The following ABCA2 variants were observed in gnomAD, a reference collection of about 807,000 sequenced individuals.
ABCA2 encodes ATP-binding cassette sub-family A member 2.
Under a neutral mutation model 262.8 loss-of-function variants are expected in ABCA2, and 84 were observed. The ratio of observed to expected loss-of-function variants is 0.32; its 90% CI spans 0.27 to 0.38. ABCA2 has a LOEUF of 0.38. ABCA2 is among the 10% of genes least tolerant of loss of function. The pLI, the probability that ABCA2 is intolerant of heterozygous loss-of-function variation, is 1.00. For synonymous variants in ABCA2, 1,696 were observed against 1,502.9 expected, an observed-to-expected ratio of 1.13 and a Z score of -2.97; for missense variants, 2,662 against 3,405.9, an observed-to-expected ratio of 0.78 and a Z score of 5.44.
intron 2 of ABCA2, 53 bp downstream of exon 2, chr9:137,024,090 G>A (rs1030088107): frequency 9.0e-6 from 14 of 1,557,714 alleles, no homozygotes; most frequent in African/African-American, 5.4e-5. Context: ...CAGCGCAGGC[G>A]TGCGAGGTGC....
chr9:137,021,189 C>T lies in ABCA2; in HGVS notation c.898-128G>A. The T allele has an allele frequency of 7.2e-7, 1 of 1,382,506 alleles. No individual in the cohort carries two copies. The highest frequency in any genetic ancestry group is 9.5e-7 in the Non-Finnish European group (1 of 1,050,460). The allele number at this position is 1,382,506 out of a possible 1,614,324, so 85.6% of individuals were successfully genotyped here. A position where few individuals can be genotyped will look rare whatever the true frequency, so the allele number is the denominator to read the frequency against. ...AGGGGTGCTGGGAGGGAGTCTGCAG[C>T]CTGGGTAACGGGAGCCCAGGACAGG... On this transcript the variant is annotated intron_variant, in intron 8 of 48. Coordinates refer to ENST00000341511, the MANE Select transcript of ABCA2 (RefSeq NM_001606.5). This position sits in a 1 kb window ranked among gnomAD's most constrained non-coding sequence, Gnocchi z 6.0.
Position 137,022,007 on chromosome 9 carries a change from A to T in ABCA2, c.568-6T>A. ...CCAAAGAGCAGGTGGTAGACCTAGG[A>T]GGTGTGGGGGAATGGCTCAGATGGG... On this transcript the variant is annotated splice_polypyrimidine_tract_variant and splice_region_variant and intron_variant, in intron 6 of 48. Transcript: ENST00000341511. 1.5e-6 allele frequency: 1 copy of T among 647,332 alleles called. No individual in the cohort carries two copies. Among genetic ancestry groups the T allele is most frequent in the African/African-American group, 3.8e-5 (1 of 26,586 alleles). The allele number at this position is 647,332 out of a possible 1,614,324, so 40.1% of individuals were successfully genotyped here. A position where few individuals can be genotyped will look rare whatever the true frequency, so the allele number is the denominator to read the frequency against.
intron 1 of ABCA2, among the ~76,000 whole-genome samples, chr9:137,024,467 C>T (rs927980129): frequency 7.2e-5 from 11 of 152,228 alleles, no homozygotes; most frequent in African/African-American, 2.7e-4. Context: ...CCACACTGGG[C>T]CTACGTGCCC....
At position 137,017,547 on chromosome 9, in the gene ABCA2, A is replaced by C; in HGVS notation, c.2357T>G (p.Ile786Ser). The C allele has an allele frequency of 6.2e-7, 1 of 1,611,836 alleles. No individual in the cohort carries two copies. Among genetic ancestry groups the C allele is most frequent in the Non-Finnish European group, 8.5e-7 (1 of 1,179,160 alleles). Reference protein sequence around the residue: ...QVLMHSHVVIIWLFLAVYAVA... With the variant: ...QVLMHSHVVISWLFLAVYAVA... ...CGCGTAGACTGCCAGGAAGAGCCAGATGATGACCACGTGGCTGTGCATAAG... is the reference window on the plus strand; with the variant it reads ...CGCGTAGACTGCCAGGAAGAGCCAGCTGATGACCACGTGGCTGTGCATAAG... The change falls in exon 17 of 49, where the codon ATC becomes AGC. Residue 786 changes from isoleucine (I) to serine (S), a missense_variant. This residue lies in a region of ABCA2 where 188 missense variants were observed against 343.4 expected (regional missense o/e 0.55). Coordinates refer to ENST00000341511, the MANE Select transcript of ABCA2 (RefSeq NM_001606.5).
chr9:137,012,983 A>G lies in ABCA2; in HGVS notation c.4867+19T>C. On this transcript the variant is annotated intron_variant, in intron 30 of 48. Transcript: ENST00000341511. ...CCCTCACTGCCCCTGCCCCCCCAGC[A>G]GGCCCCCTGAACCACTACCTGGCCC... 1 of 1,481,198 alleles carries G rather than the reference A, an allele frequency of 6.8e-7. No homozygotes were observed. The highest frequency in any genetic ancestry group is 9.0e-7 in the Non-Finnish European group (1 of 1,113,572). The allele number at this position is 1,481,198 out of a possible 1,614,324, so 91.8% of individuals were successfully genotyped here. A position where few individuals can be genotyped will look rare whatever the true frequency, so the allele number is the denominator to read the frequency against.
In ABCA2 at chr9:137,018,684, T is replaced by TG. The variant is rs763180492; in HGVS notation, c.1819+34dup. The TG allele has an allele frequency of 2.0e-5, 19 of 948,810 alleles. No individual in the cohort carries two copies. In the Admixed American group the frequency reaches 6.5e-4, roughly 32 times the overall value. The allele number at this position is 948,810 out of a possible 1,614,324, so 58.8% of individuals were successfully genotyped here. On this transcript the variant is annotated intron_variant, in intron 13 of 48. Coordinates refer to ENST00000341511, the MANE Select transcript of ABCA2 (RefSeq NM_001606.5). ...GCTGGGCTGGGGAGGAAGAGGTCTG[T>TG]GGGGGGCTGGGGCGGGGCGGGGAGG...
rs1322969154 is a variant in ABCA2, at chr9:137,022,984, C to T, written c.232G>A (p.Gly78Ser). Reference protein sequence around the residue: ...LPVMQSLCPDGQRDEFGFLQY... With the variant: ...LPVMQSLCPDSQRDEFGFLQY... ...AGGAAGCCGAACTCGTCTCGCTGGC[C>T]GTCCGGGCACAGCGATTGCATGACA... The change falls in exon 4 of 49, where the codon GGC becomes AGC. Residue 78 changes from glycine to serine, a missense_variant. Physicochemically the swap from Gly to Ser is moderately conservative, Grantham distance 56 (BLOSUM62 0). Transcript: ENST00000341511. 5.0e-6 allele frequency: 8 copies of T among 1,592,918 alleles called. No individual in the cohort carries two copies. Among genetic ancestry groups the T allele is most frequent in the Non-Finnish European group, 6.8e-6 (8 of 1,170,830 alleles).
intron 6 of ABCA2, 123 bp from the exon 7 acceptor site, chr9:137,022,124 G>T (rs1191650362): frequency 3.2e-6 from 2 of 627,580 alleles, no homozygotes; most frequent in Admixed American, 3.0e-5. Context: ...TCAGAGAGTG[G>T]GGGCGTGGCT....
chr9:137,020,927 G>C lies in ABCA2; in HGVS notation c.1032C>G (p.Ala344=). Reference sequence around the variant, plus strand: ...TGCAGGCACCCTGGGGCAGTAGCAGGGCCAGGGCCGACAGGACATCCACAT... The same window carrying C: ...TGCAGGCACCCTGGGGCAGTAGCAGCGCCAGGGCCGACAGGACATCCACAT... ...LQDVDVLSAL[A]LLLPQGACTG... is the part of the protein sequence containing the mutation. The change falls in exon 9 of 49, where the codon GCC becomes GCG. Residue 344 remains alanine, a synonymous_variant. Coordinates refer to ENST00000341511, the MANE Select transcript of ABCA2 (RefSeq NM_001606.5). The C allele has an allele frequency of 6.4e-7, 1 of 1,566,208 alleles. No individual in the cohort carries two copies. The highest frequency in any genetic ancestry group is 1.3e-5 in the African/African-American group (1 of 74,298).
Position 137,007,960 on chromosome 9 carries a change from T to A in ABCA2, c.7280A>T (p.Gln2427Leu). The A allele has an allele frequency of 6.2e-7, 1 of 1,604,994 alleles. No homozygotes were observed. Residue 2427 changes from glutamine to leucine, a missense_variant, in exon 49 of 49, where the codon CAG becomes CTG. By Grantham distance (113) the Gln-to-Leu change is moderately radical. Transcript: ENST00000341511. ...GLISFEEERA[Q>L]LSFNTDTLC Reference sequence around the variant, plus strand: ...GAGCGTGTCCGTGTTGAAGGACAGCTGGGCCTGTGCACAGGGGAGGTCAGG... The same window carrying A: ...GAGCGTGTCCGTGTTGAAGGACAGCAGGGCCTGTGCACAGGGGAGGTCAGG...
At chr9:137,012,218 G>GC in intron 33 of ABCA2, 47 bp downstream of exon 33, 1 of 1,590,874 alleles carries the variant, frequency 6.3e-7, no homozygotes, top group Non-Finnish European at 8.6e-7. Flanking sequence ...CCCCGCCCCG[G>GC]CCCCAGCTCC....
chr9:137,024,502 G>C (rs1248937076), intron 1 of ABCA2, among the ~76,000 whole-genome samples: 2 of 152,204 alleles, frequency 1.3e-5, no homozygotes, highest in Non-Finnish European at 2.9e-5. Flanking sequence ...GGGCCTACAG[G>C]GACAAATCGG....
chr9:137,028,674 G>C, upstream of ABCA2: 5 of 1,186,454 alleles, frequency 4.2e-6, no homozygotes, highest in Non-Finnish European at 5.3e-6. This position sits in a 1 kb window ranked among gnomAD's most constrained non-coding sequence, Gnocchi z 6.9. Context: ...AGGGTCTCCT[G>C]TGTGCTTTGT....
chr9:137,015,940 GCCCCC>G lies in ABCA2; in HGVS notation c.3317+17_3317+21del. On this transcript the variant is annotated intron_variant, in intron 22 of 48. Coordinates refer to ENST00000341511, the MANE Select transcript of ABCA2 (RefSeq NM_001606.5). The stretch of plus-strand genomic sequence containing the variant: ...CCCAGGGCCTCCGCCCACCTGCCCC[GCCCCC>G]CGCCCAGCCCACCCACTTGTCCATC... 3.8e-6 allele frequency: 4 copies of G among 1,053,396 alleles called. No individual in the cohort carries two copies. The highest frequency in any genetic ancestry group is 3.5e-6 in the Non-Finnish European group (3 of 861,040). 65.3% of individuals were successfully genotyped at this position (1,053,396 alleles called of 1,614,324 possible). A position where few individuals can be genotyped will look rare whatever the true frequency, so the allele number is the denominator to read the frequency against.
Position 137,009,012 on chromosome 9 carries a change from C to A in ABCA2, c.6869G>T (p.Ser2290Ile), listed in dbSNP as rs1182921727. The change falls in exon 46 of 49, where the codon AGC becomes ATC. Residue 2290 changes from serine to isoleucine, a missense_variant. Physicochemically the swap from Ser to Ile is moderately radical, Grantham distance 142. Coordinates refer to ENST00000341511, the MANE Select transcript of ABCA2 (RefSeq NM_001606.5). ...CCGCACCACGTCCTTCACACTCTGG[C>A]TGCTCTTGGTCCGCACCGTGATCAT... ...GYMITVRTKSSQSVKDVVRFF... is the reference protein window; with the variant it reads ...GYMITVRTKSIQSVKDVVRFF... The A allele has an allele frequency of 6.2e-7, 1 of 1,608,048 alleles. No individual in the cohort carries two copies. Among genetic ancestry groups the A allele is most frequent in the Non-Finnish European group, 8.5e-7 (1 of 1,179,218 alleles).
At chr9:137,022,893 G>A (rs1476852466) in intron 4 of ABCA2, 28 bp from the exon 5 acceptor site, 5 of 1,068,564 alleles carry the variant, frequency 4.7e-6, no homozygotes, top group African/African-American at 1.6e-5. Flanking sequence ...TCACTCACTG[G>A]ATGGGCTGGG....
intron 10 of ABCA2, chr9:137,020,079 C>T (rs1379440296): frequency 1.9e-6 from 1 of 539,864 alleles, no homozygotes; most frequent in Non-Finnish European, 3.3e-6. Flanking sequence ...ACCAGCACTG[C>T]CCTGGACCGG....
At position 137,008,555 on chromosome 9, in the gene ABCA2, G is replaced by A. The variant is rs759791761; in HGVS notation, c.7136C>T (p.Ala2379Val). The A allele has an allele frequency of 1.1e-5, 17 of 1,606,922 alleles. No individual in the cohort carries two copies. The highest frequency in any genetic ancestry group is 1.3e-5 in the Non-Finnish European group (15 of 1,177,446). Residue 2379 changes from alanine (A) to valine (V), a missense_variant, in exon 48 of 49, where the codon GCA (alanine) becomes GTA (valine). By Grantham distance (64) the Ala-to-Val change is moderately conservative (BLOSUM62 0). Around this residue, in one of 12 missense-constraint regions of ABCA2, gnomAD observed 212 missense variants for 214.4 expected, o/e 0.99. Transcript: ENST00000341511. The part of the protein sequence containing the change: ...LEQQETEPPS[A>V]LQSPLGCLLS... Reference sequence around the variant, plus strand: ...CAAGCAGCCGAGAGGGGACTGCAGTGCGGATGGCGGCTCCGTCTCCTGCTG... The same window carrying A: ...CAAGCAGCCGAGAGGGGACTGCAGTACGGATGGCGGCTCCGTCTCCTGCTG...
At position 137,015,679 on chromosome 9, in the gene ABCA2, C is replaced by T. The variant is rs373059987; in HGVS notation, c.3510G>A (p.Lys1170=). The T allele has an allele frequency of 3.6e-4, 577 of 1,609,032 alleles. No homozygotes were observed. Among genetic ancestry groups the T allele is most frequent in the Non-Finnish European group, 4.4e-4 (521 of 1,178,402 alleles). ...CCCACACGGCACCCCACTCACCTGG[C>T]TTGTACTTCAGGATGAGGTCCCAGA... ...RAIWDLILKY[K]PGRTILLSTH... Residue 1170 remains lysine, a synonymous_variant, in exon 23 of 49, where the codon AAG becomes AAA. Transcript: ENST00000341511.
Sources: allele counts gnomAD v4.1 joint callset (sites outside exome capture counted in the v4.1 genomes callset), GRCh38; gene constraint gnomAD v4.1.1; regional missense constraint gnomAD v4.1.1; non-coding constraint Gnocchi (gnomAD v3.1); transcripts MANE v1.5; gene names NCBI Gene and HGNC (gene_info 2026-07-23, HGNC 2026-07-21).